The following FAM107A variants were observed in gnomAD, a reference collection of about 807,000 sequenced individuals.
FAM107A encodes actin-associated protein FAM107A.
In FAM107A, 19 loss-of-function variants were observed where a neutral mutation model predicts 13.7. The ratio of observed to expected loss-of-function variants is 1.38; its 90% CI spans 0.97 to 2.03. The LOEUF (loss-of-function observed/expected upper bound fraction) is 2.03. Among genes scored for constraint, FAM107A ranks in the 30% most tolerant of loss-of-function variants. The probability of loss-of-function intolerance (pLI) is 0.00; values close to 1 mark genes in which losing one functional copy is unlikely to be tolerated. For synonymous variants in FAM107A, 82 were observed against 74.5 expected (o/e 1.10, Z -0.52); for missense variants, 203 against 184.4 (o/e 1.10, Z -0.58).
intron 1 of FAM107A, among the ~76,000 whole-genome samples, chr3:58,626,507 A>G (rs1487555149): frequency 6.6e-6 from 1 of 152,210 alleles, no homozygotes; most frequent in African/African-American, 2.4e-5. Context: ...CAAGGTAGTG[A>G]TTATTATTGG....
chr3:58,618,756 T>A (rs1575458553), intron 1 of FAM107A, among the ~76,000 whole-genome samples: 2 of 148,172 alleles, frequency 1.3e-5, no homozygotes, highest in Admixed American at 1.4e-4. Flanking sequence ...CATCTGGGAG[T>A]GAAGAAGGGC....
chr3:58,624,812 T>C (rs1304067720), intron 1 of FAM107A, among the ~76,000 whole-genome samples: 1 of 152,236 alleles, frequency 6.6e-6, no homozygotes, highest in African/African-American at 2.4e-5. Context: ...CCCAGTCACC[T>C]CTGCTTCAAC....
rs1187666367 is a variant in FAM107A at position 58,621,925 on chromosome 3, G to T, written c.-70+5491C>A. On this transcript the variant is annotated intron_variant, in intron 1 of 3. Coordinates refer to the FAM107A transcript ENST00000465970. Reference sequence around the variant, plus strand: ...CCTCTGAGCCTCAGTGTCTTGACCTGTGAAATGGGCATGAGAATATTAGCC... The same window carrying T: ...CCTCTGAGCCTCAGTGTCTTGACCTTTGAAATGGGCATGAGAATATTAGCC... Among the ~76,000 whole-genome samples the T allele has an allele frequency of 5.3e-5, 8 of 152,238 alleles. No homozygotes were observed. In the East Asian group the frequency reaches 1.5e-3, roughly 29 times the overall value.
Position 58,577,181 on chromosome 3 carries a change from TA to T in FAM107A, c.-6+127del. On this transcript the variant is annotated intron_variant, in intron 1 of 3. Transcript: ENST00000360997. This position sits in a 1 kb window ranked among gnomAD's most constrained non-coding sequence, Gnocchi z 4.9. The stretch of plus-strand genomic sequence containing the variant: ...GATGCTGGGACATAGCCCGGGTACC[TA>T]AACTCAAAGCACTCAGGTCCACTGA... The T allele has an allele frequency of 3.7e-6, 1 of 267,666 alleles. No homozygotes were observed. 16.6% of individuals were successfully genotyped at this position (267,666 alleles called of 1,614,324 possible). A position where few individuals can be genotyped will look rare whatever the true frequency, so the allele number is the denominator to read the frequency against.
chr3:58,589,190 A>G, upstream of FAM107A: 2 of 1,512,066 alleles, frequency 1.3e-6, no homozygotes, highest in African/African-American at 2.8e-5. Flanking sequence ...CAGGAATTCT[A>G]GCGGGTCTGA....
At position 58,575,072 on chromosome 3, in the gene FAM107A, G is replaced by T. The variant is rs538709062; in HGVS notation, c.-6+2237C>A. 1.4e-3 allele frequency among the ~76,000 whole-genome samples: 206 copies of T among 152,350 alleles called. 1 individual carries two copies. In the Middle Eastern group the frequency reaches 0.027, roughly 20 times the overall value. On this transcript the variant is annotated intron_variant, in intron 1 of 3. Transcript: ENST00000360997. ...GGACCCCAGGCTGTCTAAGGCCTCAGTGTCCCTTCCACTTGCCTCTCCACT... is the reference window on the plus strand; with the variant it reads ...GGACCCCAGGCTGTCTAAGGCCTCATTGTCCCTTCCACTTGCCTCTCCACT...
chr3:58,594,668 C>T (rs1188368449), intron 1 of FAM107A, among the ~76,000 whole-genome samples: 1 of 152,192 alleles, frequency 6.6e-6, no homozygotes, highest in African/African-American at 2.4e-5. Context: ...TCCTGGTCCC[C>T]TGATGACACC....
intron 1 of FAM107A, among the ~76,000 whole-genome samples, chr3:58,583,179 C>T (rs2065567066): frequency 6.6e-6 from 1 of 152,224 alleles, no homozygotes. Flanking sequence ...GTAAAACACA[C>T]ACACACTATG....
chr3:58,625,549 G>A (rs1045976920), intron 1 of FAM107A, among the ~76,000 whole-genome samples: 1 of 152,152 alleles, frequency 6.6e-6, no homozygotes, highest in Non-Finnish European at 1.5e-5. Context: ...TGTACCTGGG[G>A]CCTGTAAGAG....
At chr3:58,586,854 T>C in intron 1 of FAM107A, 2 of 1,528,476 alleles carry the variant, frequency 1.3e-6, no homozygotes, top group Non-Finnish European at 8.7e-7. Flanking sequence ...TTGCTCCCAC[T>C]TACCCGACCG....
rs547736138 is a variant in FAM107A, at chr3:58,604,560, C to A, written c.-69-15291G>T. ...CATTGTTGCACGTGACAGCCTCACC[C>A]ACTCCCTGGGCCCCATAAGATCAAT... On this transcript the variant is annotated intron_variant, in intron 1 of 3. Transcript: ENST00000465970. The surrounding 1 kb of genome is among the most constrained non-coding windows in gnomAD (Gnocchi z 4.1). Among the ~76,000 whole-genome samples, 1,424 of 152,286 alleles carry A rather than the reference C, an allele frequency of 9.4e-3. 5 individuals are homozygous for A. Among genetic ancestry groups the A allele is most frequent in the Non-Finnish European group, 0.016 (1,102 of 68,020 alleles).
At chr3:58,608,974 A>G (rs1209768250) in intron 1 of FAM107A, 1 of 152,178 alleles carries the variant, frequency 6.6e-6, no homozygotes, top group African/African-American at 2.4e-5. Flanking sequence ...TCCCCTGGAC[A>G]CCTTCCTGAG....
chr3:58,564,756 A>C lies in FAM107A; in HGVS notation c.*1832T>G, dbSNP rs2063603250. ...GGAAGTGGTGATCTTTATTTTAGGG[A>C]TTGTGCATCTTCAGTGTAACCCTCA... is the stretch of plus-strand genomic sequence containing the variant. On this transcript the variant is annotated 3_prime_UTR_variant, in exon 4 of 4. Coordinates refer to ENST00000360997, the MANE Select transcript of FAM107A (RefSeq NM_001076778.3). This position sits in a 1 kb window ranked among gnomAD's most constrained non-coding sequence, Gnocchi z 5.6. 1 of 152,268 alleles carries C rather than the reference A, an allele frequency of 6.6e-6. No individual in the cohort carries two copies. Among genetic ancestry groups the C allele is most frequent in the African/African-American group, 2.4e-5 (1 of 41,454 alleles). 9.4% of individuals were successfully genotyped at this position (152,268 alleles called of 1,614,324 possible).
intron 1 of FAM107A, among the ~76,000 whole-genome samples, chr3:58,612,060 G>T (rs2065859650): frequency 6.6e-6 from 1 of 151,850 alleles, no homozygotes; most frequent in Admixed American, 6.6e-5. Context: ...TCTCTCTTTG[G>T]AAAGTCTACA....
chr3:58,566,365 C>T lies in FAM107A; in HGVS notation c.*223G>A. The stretch of plus-strand genomic sequence containing the variant: ...TTGCAGGGAGGGGTGCAGGTTATCC[C>T]TCTTGGAGCAGGAGGGCTGGGTGCT... On this transcript the variant is annotated 3_prime_UTR_variant, in exon 4 of 4. Transcript: ENST00000360997. The T allele has an allele frequency of 1.8e-6, 1 of 544,348 alleles. No individual in the cohort carries two copies. Among genetic ancestry groups the T allele is most frequent in the Non-Finnish European group, 3.2e-6 (1 of 308,058 alleles). The allele number at this position is 544,348 out of a possible 1,614,324, so 33.7% of individuals were successfully genotyped here.
At chr3:58,609,460 T>G (rs970999436) in intron 1 of FAM107A, among the ~76,000 whole-genome samples, 2 of 152,204 alleles carry the variant, frequency 1.3e-5, no homozygotes, top group African/African-American at 4.8e-5. Context: ...TGGTATTTAT[T>G]TTTCTAGTCT....
At chr3:58,621,443 C>G (rs770581169) in intron 1 of FAM107A, among the ~76,000 whole-genome samples, 1 of 152,156 alleles carries the variant, frequency 6.6e-6, no homozygotes, top group African/African-American at 2.4e-5. Flanking sequence ...AGGGACCCCA[C>G]ATTTTCATTT....
At chr3:58,599,097 A>C (rs2065730892) in intron 1 of FAM107A, among the ~76,000 whole-genome samples, 1 of 151,926 alleles carries the variant, frequency 6.6e-6, no homozygotes, top group Non-Finnish European at 1.5e-5. Context: ...ATGTACCACC[A>C]TGCCTGGCTA....
At position 58,566,493 on chromosome 3, in the gene FAM107A, TCCCAGGGCCTGGGG is replaced by T. The variant is rs535424809; in HGVS notation, c.*81_*94del. The T allele has an allele frequency of 0.019, 16,443 of 848,156 alleles. 201 individuals are homozygous for T. The highest frequency in any genetic ancestry group is 0.025 in the Non-Finnish European group (12,684 of 510,940). 52.5% of individuals were successfully genotyped at this position (848,156 alleles called of 1,614,324 possible). On this transcript the variant is annotated 3_prime_UTR_variant, in exon 4 of 4. Transcript: ENST00000360997. ...GAAGCAGGTGGGAACATCACAGACG[TCCCAGGGCCTGGGG>T]CCCAGGGCTGCCAGGTACAGAAGGG...
Sources: gnomAD v4.1 joint callset for allele counts (sites outside exome capture counted in the v4.1 genomes callset) on GRCh38, gnomAD v4.1.1 for gene constraint, Gnocchi (gnomAD v3.1) non-coding constraint, MANE v1.5 for transcripts, NCBI Gene and HGNC (gene_info 2026-07-23, HGNC 2026-07-21) for gene names.